SH3RF3: variants seen among roughly 807,000 people sequenced by gnomAD.
SH3RF3 encodes the protein SH3 domain containing ring finger 3, also known as E3 ubiquitin-protein ligase SH3RF3.
SH3RF3 carries 29 observed loss-of-function variants against 66.3 expected under a neutral mutation model. The ratio of observed to expected loss-of-function variants is 0.44; its 90% CI spans 0.33 to 0.60. SH3RF3 has a LOEUF of 0.60. Among genes scored for constraint, SH3RF3 ranks in the 20% least tolerant of loss-of-function variants. The pLI is 0.04. For missense variants in SH3RF3, 1,194 were observed against 1,190.9 expected (o/e 1.00, Z -0.04); for synonymous variants, 583 against 532.0 (o/e 1.10, Z -1.32).
At position 109,437,216 on chromosome 2, in the gene SH3RF3, C is replaced by T. The variant is rs1276897147; in HGVS notation, c.1828+70C>T. The T allele has an allele frequency of 4.6e-6, 7 of 1,515,798 alleles. No individual in the cohort carries two copies. In the African/African-American group the frequency reaches 8.2e-5, roughly 18 times the overall value. 93.9% of individuals were successfully genotyped at this position (1,515,798 alleles called of 1,614,324 possible). On this transcript the variant is annotated intron_variant, in intron 7 of 9. Transcript: ENST00000309415. ...CTTCCTGGGACATGCTTGTGAGACA[C>T]ATCTTGGCCCAAGGCTCCAGCAGTG...
At chr2:109,223,467 G>T (rs1382431426) in intron 1 of SH3RF3, among the ~76,000 whole-genome samples, 1 of 152,262 alleles carries the variant, frequency 6.6e-6, no homozygotes, top group Non-Finnish European at 1.5e-5. Context: ...CCCTTTGGGA[G>T]TGGGCATGGC....
intron 1 of SH3RF3, 105 bp from the exon 2 acceptor site, chr2:109,347,569 A>G: frequency 6.9e-7 from 1 of 1,454,688 alleles, no homozygotes; most frequent in South Asian, 1.4e-5. Flanking sequence ...ATGCACCCCC[A>G]GGACACAGAA....
chr2:109,400,520 C>T lies in SH3RF3; in HGVS notation c.1299+1577C>T, dbSNP rs192772112. Among the ~76,000 whole-genome samples, 50 of 152,126 alleles carry T rather than the reference C, an allele frequency of 3.3e-4. No homozygotes were observed. The East Asian group carries it at 5.4e-3, about 16-fold the overall frequency. ...ATTTACACATACACCCCTCCAGGTG[C>T]ACACCTGCAGATACACATGCACACA... is the stretch of plus-strand genomic sequence containing the variant. On this transcript the variant is annotated intron_variant, in intron 4 of 9. Coordinates refer to ENST00000309415, the MANE Select transcript of SH3RF3 (RefSeq NM_001099289.3).
At chr2:109,238,447 ATTTGTGTGTGTGTG>A (rs1404929097) in intron 1 of SH3RF3, among the ~76,000 whole-genome samples, 1 of 119,994 alleles carries the variant, frequency 8.3e-6, no homozygotes, top group African/African-American at 3.3e-5. Context: ...TGTTATGTAT[ATTTGTGTGTGTGTG>A]TGTGTGTGTG....
chr2:109,404,745 T>G (rs1676411363), intron 4 of SH3RF3, among the ~76,000 whole-genome samples: 1 of 152,082 alleles, frequency 6.6e-6, no homozygotes, highest in African/African-American at 2.4e-5. Context: ...GCTTCCTCTT[T>G]CCCATGGATG....
intron 1 of SH3RF3, among the ~76,000 whole-genome samples, chr2:109,233,915 T>C (rs1209228524): frequency 6.6e-6 from 1 of 152,270 alleles, no homozygotes; most frequent in East Asian, 1.9e-4. Context: ...TAATATTCCA[T>C]CATATGGAGG....
At chr2:109,198,889 T>C (rs902360960) in intron 1 of SH3RF3, among the ~76,000 whole-genome samples, 3 of 152,176 alleles carry the variant, frequency 2.0e-5, no homozygotes, top group African/African-American at 7.2e-5. Context: ...AGTTGAGACA[T>C]AGTGGCAAAT....
intron 4 of SH3RF3, among the ~76,000 whole-genome samples, chr2:109,416,342 C>T (rs981482302): frequency 6.6e-6 from 1 of 151,848 alleles, no homozygotes; most frequent in African/African-American, 2.4e-5. Context: ...TGCCTGTAAT[C>T]CCAGCACTTT....
At chr2:109,163,862 C>T (rs1183729947) in intron 1 of SH3RF3, among the ~76,000 whole-genome samples, 1 of 152,290 alleles carries the variant, frequency 6.6e-6, no homozygotes, top group African/African-American at 2.4e-5. Flanking sequence ...CTATTACCAA[C>T]TATTTGTGGT....
chr2:109,470,411 T>G (rs552455835), intron 8 of SH3RF3, among the ~76,000 whole-genome samples: 1 of 152,332 alleles, frequency 6.6e-6, no homozygotes, highest in Admixed American at 6.5e-5. Context: ...TGTCAATCTT[T>G]GGTTCTCAGA....
At chr2:109,153,650 C>T (rs1224604442) in intron 1 of SH3RF3, among the ~76,000 whole-genome samples, 3 of 152,084 alleles carry the variant, frequency 2.0e-5, no homozygotes, top group Admixed American at 6.5e-5. Context: ...CATGAGATCA[C>T]CCCAGTTATT....
chr2:109,347,933 G>A lies in SH3RF3; in HGVS notation c.833G>A (p.Cys278Tyr), dbSNP rs747017241. ...AAGGACAAAGACCAAGACAAGGACT[G>A]TCTGACCTTCACCAAGGTAAGGTGA... ...EMKDKDQDKD[C>Y]LTFTKDEILT... The change falls in exon 2 of 10, where the codon TGT becomes TAT. Residue 278 changes from cysteine (C) to tyrosine (Y), a missense_variant. Transcript: ENST00000309415. 3 of 1,605,628 alleles carry A rather than the reference G, an allele frequency of 1.9e-6. No individual in the cohort carries two copies. Among genetic ancestry groups the A allele is most frequent in the South Asian group, 1.1e-5 (1 of 89,222 alleles).
chr2:109,341,012 C>T (rs1015343394), intron 1 of SH3RF3, among the ~76,000 whole-genome samples: 5 of 152,246 alleles, frequency 3.3e-5, no homozygotes, highest in Non-Finnish European at 2.9e-5. Flanking sequence ...GTTGCATCCA[C>T]GCAACAGCTT....
At position 109,371,592 on chromosome 2, in the gene SH3RF3, A is replaced by C; in HGVS notation, c.856A>C (p.Ile286Leu). ...GGTGGACCCGGAACTGCAGGACGAG[A>C]TTCTGACGGTGCTCAGGAGAGTGGA... Reference protein sequence around the residue: ...KDCLTFTKDEILTVLRRVDEN... With the variant: ...KDCLTFTKDELLTVLRRVDEN... Residue 286 changes from isoleucine to leucine, a missense_variant, in exon 3 of 10, where the codon ATT (isoleucine) becomes CTT (leucine). Transcript: ENST00000309415. The C allele has an allele frequency of 1.2e-6, 2 of 1,613,794 alleles. No homozygotes were observed. The highest frequency in any genetic ancestry group is 1.7e-6 in the Non-Finnish European group (2 of 1,179,852).
chr2:109,181,047 C>T (rs1022920556), intron 1 of SH3RF3, among the ~76,000 whole-genome samples: 12 of 152,148 alleles, frequency 7.9e-5, no homozygotes, highest in Admixed American at 6.5e-4. Flanking sequence ...GATGGCCAGC[C>T]CGCTGTGCAC....
intron 1 of SH3RF3, among the ~76,000 whole-genome samples, chr2:109,180,619 T>G: frequency 6.6e-6 from 1 of 152,178 alleles, no homozygotes; most frequent in East Asian, 1.9e-4. Context: ...TCTCACGAGA[T>G]CTGATGATTT....
At chr2:109,164,844 C>T (rs537405840) in intron 1 of SH3RF3, among the ~76,000 whole-genome samples, 1 of 152,348 alleles carries the variant, frequency 6.6e-6, no homozygotes, top group South Asian at 2.1e-4. Flanking sequence ...CCCCTTTCTT[C>T]CTGTTTCTAA....
chr2:109,357,050 C>A (rs867329551), intron 2 of SH3RF3, among the ~76,000 whole-genome samples: 1 of 151,686 alleles, frequency 6.6e-6, no homozygotes, highest in Non-Finnish European at 1.5e-5. Flanking sequence ...TAGACTGTTA[C>A]CTTTTTAAAA....
intron 1 of SH3RF3, among the ~76,000 whole-genome samples, chr2:109,160,141 C>T (rs1446506583): frequency 1.3e-5 from 2 of 152,074 alleles, no homozygotes; most frequent in Non-Finnish European, 2.9e-5. Flanking sequence ...AGACCTGGGC[C>T]AGGATCTGCA....
Sources: gnomAD v4.1 joint callset for allele counts (sites outside exome capture counted in the v4.1 genomes callset) on GRCh38, gnomAD v4.1.1 for gene constraint, MANE v1.5 for transcripts, NCBI Gene and HGNC (gene_info 2026-07-23, HGNC 2026-07-21) for gene names.